The following DCT variants were observed in gnomAD, a reference collection of about 807,000 sequenced individuals.
DCT encodes dopachrome tautomerase.
A neutral mutation model predicts 53.0 loss-of-function variants in DCT; 47 were observed. The observed-to-expected ratio is 0.89, with a 90% CI of 0.70 to 1.13. The LOEUF is 1.13. Ranked by LOEUF, DCT falls within the 50% of genes most tolerant of loss-of-function variation. The pLI is 0.00. For synonymous variants in DCT, 244 were observed against 237.0 expected, an observed-to-expected ratio of 1.03 and a Z score of -0.27; for missense variants, 669 against 637.4, an observed-to-expected ratio of 1.05 and a Z score of -0.53.
the DCT span, among the ~76,000 whole-genome samples, chr13:94,547,210 C>A: frequency 3.3e-5 from 5 of 151,852 alleles, no homozygotes; most frequent in Admixed American, 6.6e-5. Flanking sequence ...TCCACCTCCC[C>A]TGTTCAACGG....
At chr13:94,472,840 C>T (rs1401349903) in intron 1 of DCT, among the ~76,000 whole-genome samples, 1 of 151,660 alleles carries the variant, frequency 6.6e-6, no homozygotes, top group Non-Finnish European at 1.5e-5. Flanking sequence ...CCTTGGCCTC[C>T]CAAAGTGTTG....
intron 6 of DCT, among the ~76,000 whole-genome samples, chr13:94,458,000 C>A (rs77377991): frequency 0.052 from 7,883 of 152,192 alleles, 301 homozygotes; most frequent in Non-Finnish European, 0.079. Flanking sequence ...GTGACCATGA[C>A]GGATCAGGAC....
At chr13:94,486,212 G>A in the DCT span, among the ~76,000 whole-genome samples, 2 of 152,118 alleles carry the variant, frequency 1.3e-5, no homozygotes, top group African/African-American at 2.4e-5. Flanking sequence ...CATACAAAGG[G>A]ACTGATGGAA....
At chr13:94,470,158 T>C (rs1884550377) in intron 1 of DCT, among the ~76,000 whole-genome samples, 1 of 152,110 alleles carries the variant, frequency 6.6e-6, no homozygotes. Flanking sequence ...TTAACTGATT[T>C]CTAGGAATTT....
the DCT span, among the ~76,000 whole-genome samples, chr13:94,506,188 T>G: frequency 6.6e-6 from 1 of 152,218 alleles, no homozygotes; most frequent in Non-Finnish European, 1.5e-5. Context: ...CTATCTTTTG[T>G]TTCTCCCCCT....
chr13:94,476,232 G>C (rs1321770604), intron 1 of DCT, among the ~76,000 whole-genome samples: 2 of 112,502 alleles, frequency 1.8e-5, no homozygotes, highest in Admixed American at 2.5e-4. Flanking sequence ...ATGATCCTAA[G>C]TTCCTATTAC....
chr13:94,533,292 A>G, the DCT span, among the ~76,000 whole-genome samples: 1 of 152,142 alleles, frequency 6.6e-6, no homozygotes, highest in South Asian at 2.1e-4. Flanking sequence ...TCAAAGGTGT[A>G]AGACCATGCA....
chr13:94,522,911 T>C, the DCT span, among the ~76,000 whole-genome samples: 1 of 152,232 alleles, frequency 6.6e-6, no homozygotes, highest in Non-Finnish European at 1.5e-5. Context: ...TGCAGGAGCA[T>C]TAACCATGCA....
chr13:94,490,331 C>T, the DCT span, among the ~76,000 whole-genome samples: 41 of 151,674 alleles, frequency 2.7e-4, no homozygotes, highest in African/African-American at 9.4e-4. Context: ...ATTGTATAAT[C>T]CTGTCTCTAC....
chr13:94,464,796 C>T (rs1163644545), intron 4 of DCT, among the ~76,000 whole-genome samples: 1 of 152,066 alleles, frequency 6.6e-6, no homozygotes, highest in Non-Finnish European at 1.5e-5. Context: ...CCTTTGAGGA[C>T]AGAACTCTTC....
intron 6 of DCT, among the ~76,000 whole-genome samples, chr13:94,447,711 T>C (rs759232558): frequency 3.3e-5 from 5 of 152,170 alleles, no homozygotes; most frequent in Non-Finnish European, 7.3e-5. Flanking sequence ...AAGTCAGGGT[T>C]CAAATTGTGA....
chr13:94,519,983 C>T, the DCT span, among the ~76,000 whole-genome samples: 1,020 of 152,314 alleles, frequency 6.7e-3, 11 homozygotes, highest in African/African-American at 0.024. Flanking sequence ...CTATCTGACT[C>T]TAAGATGTCT....
chr13:94,499,024 A>G, the DCT span, among the ~76,000 whole-genome samples: 1 of 152,176 alleles, frequency 6.6e-6, no homozygotes, highest in South Asian at 2.1e-4. Context: ...AAATAAGGGA[A>G]TAAAAGCTGG....
the DCT span, among the ~76,000 whole-genome samples, chr13:94,519,138 G>T: frequency 1.3e-5 from 2 of 152,150 alleles, no homozygotes; most frequent in African/African-American, 2.4e-5. Context: ...GGTCACATCT[G>T]CTAATGATAT....
chr13:94,439,767 C>T lies in DCT; in HGVS notation c.*131G>A. ...CAGCTAAGCATCTTCTGAATGAGAT[C>T]ATCATCACTATAGAAGAACCTATGT... On this transcript the variant is annotated 3_prime_UTR_variant, in exon 8 of 8. Transcript: ENST00000377028. 1.5e-6 allele frequency: 1 copy of T among 658,534 alleles called. No individual in the cohort carries two copies. Among genetic ancestry groups the T allele is most frequent in the Non-Finnish European group, 2.5e-6 (1 of 403,260 alleles). 40.8% of individuals were successfully genotyped at this position (658,534 alleles called of 1,614,324 possible).
chr13:94,503,272 C>T, the DCT span, among the ~76,000 whole-genome samples: 1 of 151,842 alleles, frequency 6.6e-6, no homozygotes, highest in African/African-American at 2.4e-5. Flanking sequence ...CCCAGCTACT[C>T]AGGAAGCTGA....
intron 1 of DCT, among the ~76,000 whole-genome samples, chr13:94,470,576 G>T (rs762350792): frequency 1.3e-5 from 2 of 152,162 alleles, no homozygotes; most frequent in Non-Finnish European, 2.9e-5. Context: ...GAAGATTAAA[G>T]GGATTACGTA....
chr13:94,494,835 TA>T, the DCT span, among the ~76,000 whole-genome samples: 32 of 152,346 alleles, frequency 2.1e-4, no homozygotes, highest in African/African-American at 7.5e-4. Context: ...CATTCTGCAT[TA>T]TTTTTTCCAT....
intron 7 of DCT, among the ~76,000 whole-genome samples, chr13:94,441,941 C>T (rs1594268364): frequency 6.6e-6 from 1 of 152,144 alleles, no homozygotes. Flanking sequence ...ATAGTGGCTG[C>T]ACCATTTTAC....
Sources: allele counts gnomAD v4.1 joint callset (sites outside exome capture counted in the v4.1 genomes callset), GRCh38; gene constraint gnomAD v4.1.1; transcripts MANE v1.5; gene names NCBI Gene and HGNC (gene_info 2026-07-23, HGNC 2026-07-21).